OTUD7A: variants seen among roughly 807,000 people sequenced by gnomAD.
OTUD7A encodes the protein OTU deubiquitinase 7A, also known as OTU domain-containing protein 7A.
A neutral mutation model predicts 65.7 loss-of-function variants in OTUD7A; 12 were observed. That is an observed-to-expected ratio of 0.18 (90% CI 0.12 to 0.30). The LOEUF (loss-of-function observed/expected upper bound fraction) is 0.30. Among genes scored for constraint, OTUD7A ranks in the 10% least tolerant of loss-of-function variants. OTUD7A has a pLI of 1.00. For missense variants in OTUD7A, 1,148 were observed against 1,304.8 expected (o/e 0.88, Z 1.85); for synonymous variants, 641 against 586.3 (o/e 1.09, Z -1.35).
chr15:31,714,431 A>G (rs1893530555), intron 1 of OTUD7A, among the ~76,000 whole-genome samples: 1 of 152,136 alleles, frequency 6.6e-6, no homozygotes, highest in South Asian at 2.1e-4. Flanking sequence ...AGGAGAAAGA[A>G]TAGGGAGAAG....
intron 3 of OTUD7A, among the ~76,000 whole-genome samples, chr15:31,602,815 C>T (rs1395292204): frequency 6.6e-6 from 1 of 152,004 alleles, no homozygotes; most frequent in African/African-American, 2.4e-5. Flanking sequence ...CAATAATAGC[C>T]AAATCATGAG....
intron 1 of OTUD7A, among the ~76,000 whole-genome samples, chr15:31,823,207 G>T (rs957150231): frequency 6.6e-6 from 1 of 152,096 alleles, no homozygotes; most frequent in South Asian, 2.1e-4. Context: ...TTCAAACTCA[G>T]GCCTGCACCC....
Position 31,843,205 on chromosome 15 carries a change from G to A in OTUD7A, c.-100+27302C>T, listed in dbSNP as rs148266422. On this transcript the variant is annotated intron_variant, in intron 1 of 12. Transcript: ENST00000307050. ...CCTAGGAAGGTGGCCTGGACGCTGG[G>A]AACAGTTACCTCCCCAACTTCTGGG... 3.7e-3 allele frequency among the ~76,000 whole-genome samples: 567 copies of A among 151,958 alleles called. 7 individuals carry two copies. Among genetic ancestry groups the A allele is most frequent in the African/African-American group, 0.013 (534 of 41,420 alleles).
chr15:31,853,916 G>A (rs943236026), intron 1 of OTUD7A, among the ~76,000 whole-genome samples: 1 of 152,184 alleles, frequency 6.6e-6, no homozygotes, highest in Non-Finnish European at 1.5e-5. Context: ...GGGTAGGGAA[G>A]GAGAAGAGCA....
intron 3 of OTUD7A, among the ~76,000 whole-genome samples, chr15:31,632,847 C>G (rs1891218099): frequency 6.6e-6 from 1 of 152,244 alleles, no homozygotes; most frequent in South Asian, 2.1e-4. Context: ...CCCAGCCTCA[C>G]TGCCACCTTG....
chr15:31,484,155 C>G lies in OTUD7A; in HGVS notation c.1941G>C (p.Leu647=), dbSNP rs1363156674. ...QGERKFIFAG[L]LLTSHRHQFH... ...ACTGGTGCCGGTGGCTGGTGAGCAG[C>G]AGGCCGGCGAAGATGAACTTGCGCT... The change falls in exon 13 of 13, where the codon CTG becomes CTC. Residue 647 remains leucine, a synonymous_variant. Transcript: ENST00000307050. The surrounding 1 kb of genome is among the most constrained non-coding windows in gnomAD (Gnocchi z 4.5). 6.2e-7 allele frequency: 1 copy of G among 1,610,380 alleles called. No individual in the cohort carries two copies. Among genetic ancestry groups the G allele is most frequent in the Non-Finnish European group, 8.5e-7 (1 of 1,179,554 alleles).
At chr15:31,788,626 T>C (rs977907974) in intron 1 of OTUD7A, among the ~76,000 whole-genome samples, 1 of 151,996 alleles carries the variant, frequency 6.6e-6, no homozygotes, top group African/African-American at 2.4e-5. Context: ...CAGGTGGGGA[T>C]TGTGTTGGCC....
At chr15:31,668,846 A>C (rs2338896) in intron 1 of OTUD7A, among the ~76,000 whole-genome samples, 1 of 152,170 alleles carries the variant, frequency 6.6e-6, no homozygotes, top group Non-Finnish European at 1.5e-5. Flanking sequence ...GGCGTGTTCC[A>C]TTGTAGCAGT....
At chr15:31,503,847 A>G (rs2041513526) in intron 8 of OTUD7A, 29 bp from the exon 9 acceptor site, 2 of 1,613,370 alleles carry the variant, frequency 1.2e-6, no homozygotes, top group Non-Finnish European at 1.7e-6. Context: ...CCAGCTGGTC[A>G]CTGACTAAAA....
At chr15:31,718,019 G>T (rs1893637471) in intron 1 of OTUD7A, among the ~76,000 whole-genome samples, 1 of 152,158 alleles carries the variant, frequency 6.6e-6, no homozygotes, top group Admixed American at 6.5e-5. Context: ...AATGTCCCCA[G>T]TCTGGGTCTG....
At chr15:31,790,033 G>C (rs918957011) in intron 1 of OTUD7A, among the ~76,000 whole-genome samples, 1 of 152,170 alleles carries the variant, frequency 6.6e-6, no homozygotes, top group Non-Finnish European at 1.5e-5. Context: ...AACTGGGAGA[G>C]GGAAGAGGAT....
chr15:31,800,714 C>A (rs571911164), intron 1 of OTUD7A, among the ~76,000 whole-genome samples: 1 of 152,142 alleles, frequency 6.6e-6, no homozygotes, highest in African/African-American at 2.4e-5. Flanking sequence ...CAGAAGGAGA[C>A]GCAGGGAAGG....
intron 1 of OTUD7A, among the ~76,000 whole-genome samples, chr15:31,747,413 CA>C (rs1349767605): frequency 6.6e-6 from 1 of 152,190 alleles, no homozygotes; most frequent in Non-Finnish European, 1.5e-5. Context: ...AAATCCTAGA[CA>C]ACCTCCTTGC....
chr15:31,813,687 T>A (rs1567036991), intron 1 of OTUD7A, among the ~76,000 whole-genome samples: 1 of 152,242 alleles, frequency 6.6e-6, no homozygotes, highest in East Asian at 1.9e-4. Context: ...GCTTATTGAG[T>A]CAAAGAACCT....
chr15:31,483,474 G>A lies in OTUD7A; in HGVS notation c.2622C>T (p.Ala874=). 2.2e-6 allele frequency: 3 copies of A among 1,388,096 alleles called. No individual in the cohort carries two copies. The highest frequency in any genetic ancestry group is 2.8e-6 in the Non-Finnish European group (3 of 1,070,228). 86.0% of individuals were successfully genotyped at this position (1,388,096 alleles called of 1,614,324 possible). The change falls in exon 13 of 13, where the codon GCC becomes GCT. Residue 874 remains alanine (A), a synonymous_variant. Transcript: ENST00000307050. The part of the protein sequence containing the change: ...ALRDGLEFAD[A]DAPTARSNGE... Reference sequence around the variant, plus strand: ...CGTTCGAGCGCGCGGTCGGCGCGTCGGCGTCGGCGAACTCCAGGCCGTCGC... The same window carrying A: ...CGTTCGAGCGCGCGGTCGGCGCGTCAGCGTCGGCGAACTCCAGGCCGTCGC...
intron 1 of OTUD7A, among the ~76,000 whole-genome samples, chr15:31,660,284 C>T (rs888560036): frequency 1.2e-4 from 18 of 152,224 alleles, no homozygotes; most frequent in Admixed American, 1.0e-3. Flanking sequence ...GATGTCTCAA[C>T]TCAGATGTCA....
intron 3 of OTUD7A, among the ~76,000 whole-genome samples, chr15:31,620,586 T>C (rs1307548627): frequency 1.3e-5 from 2 of 149,134 alleles, no homozygotes; most frequent in East Asian, 1.9e-4. Flanking sequence ...TGATGGTAGT[T>C]TGTATTTCTG....
chr15:31,634,915 G>T (rs1891293947), intron 3 of OTUD7A, among the ~76,000 whole-genome samples: 1 of 152,220 alleles, frequency 6.6e-6, no homozygotes, highest in African/African-American at 2.4e-5. Context: ...GGGACCCTGG[G>T]GACGCAGACA....
intron 6 of OTUD7A, among the ~76,000 whole-genome samples, chr15:31,528,024 T>A (rs73372505): frequency 0.014 from 2,087 of 152,310 alleles, 40 homozygotes; most frequent in African/African-American, 0.047. Flanking sequence ...CATCCATCCA[T>A]CCGTCCATCC....
Sources: gnomAD v4.1 joint callset for allele counts (sites outside exome capture counted in the v4.1 genomes callset) on GRCh38, gnomAD v4.1.1 for gene constraint, Gnocchi (gnomAD v3.1) non-coding constraint, MANE v1.5 for transcripts, NCBI Gene and HGNC (gene_info 2026-07-23, HGNC 2026-07-21) for gene names.